IGSF21: variants seen among roughly 807,000 people sequenced by gnomAD.
The protein encoded by IGSF21 is immunoglobin superfamily member 21, also known as immunoglobulin superfamily member 21.
In IGSF21, 28 loss-of-function variants were observed where a neutral mutation model predicts 46.8. The ratio of observed to expected loss-of-function variants is 0.60; its 90% CI spans 0.44 to 0.82. The LOEUF (loss-of-function observed/expected upper bound fraction) is 0.82. Among genes scored for constraint, IGSF21 ranks in the 40% least tolerant of loss-of-function variants. IGSF21 has a pLI of 0.00. For missense variants in IGSF21, 624 were observed against 665.5 expected (o/e 0.94, Z 0.69); for synonymous variants, 284 against 273.6 (o/e 1.04, Z -0.38).
At chr1:18,210,851 A>G (rs2084384365) in intron 1 of IGSF21, among the ~76,000 whole-genome samples, 1 of 152,050 alleles carries the variant, frequency 6.6e-6, no homozygotes, top group South Asian at 2.1e-4. Flanking sequence ...TGCTTTCTTG[A>G]ACCATCTCTT....
At chr1:18,255,244 TCACTCTG>T (rs1469757309) in intron 2 of IGSF21, among the ~76,000 whole-genome samples, 1 of 152,140 alleles carries the variant, frequency 6.6e-6, no homozygotes, top group African/African-American at 2.4e-5. Context: ...AAGCCAAACT[TCACTCTG>T]CACTCCCCTG....
intron 1 of IGSF21, among the ~76,000 whole-genome samples, chr1:18,154,988 G>A (rs1169494773): frequency 6.6e-6 from 1 of 151,964 alleles, no homozygotes; most frequent in Non-Finnish European, 1.5e-5. Context: ...CAAATGGGGG[G>A]CTCACTTATG....
chr1:18,153,448 G>A (rs962502786), intron 1 of IGSF21, among the ~76,000 whole-genome samples: 12 of 152,140 alleles, frequency 7.9e-5, no homozygotes, highest in Non-Finnish European at 1.5e-4. Flanking sequence ...AACTCAAAAG[G>A]CCCCAGGCCT....
intron 3 of IGSF21, among the ~76,000 whole-genome samples, chr1:18,318,653 A>G (rs1569800920): frequency 6.6e-6 from 1 of 151,878 alleles, no homozygotes; most frequent in Admixed American, 6.6e-5. Context: ...GCCCCAGCTC[A>G]CTCACTGACT....
chr1:18,253,011 C>T (rs1412716550), intron 2 of IGSF21, among the ~76,000 whole-genome samples: 1 of 152,122 alleles, frequency 6.6e-6, no homozygotes, highest in African/African-American at 2.4e-5. Context: ...GCTGAGCCTC[C>T]TCTCCTCACC....
chr1:18,236,383 G>T (rs1440885398), intron 2 of IGSF21, among the ~76,000 whole-genome samples: 1 of 152,180 alleles, frequency 6.6e-6, no homozygotes, highest in African/African-American at 2.4e-5. Context: ...GGAACTGTGA[G>T]TTCATTAAAC....
chr1:18,284,131 A>AAGCAATAGACAAACTCACAAAGGC (rs2085189765), intron 2 of IGSF21, among the ~76,000 whole-genome samples: 2 of 152,078 alleles, frequency 1.3e-5, no homozygotes, highest in African/African-American at 2.4e-5. Flanking sequence ...AAAGGACCTC[A>AAGCAATAGACAAACTCACAAAGGC]AGCAATAGAC....
intron 2 of IGSF21, among the ~76,000 whole-genome samples, chr1:18,284,923 A>AGAC (rs1482093166): frequency 1.3e-5 from 2 of 150,128 alleles, no homozygotes; most frequent in Non-Finnish European, 3.0e-5. Context: ...CTGGACACAG[A>AGAC]GACCTCAGCT....
At chr1:18,182,580 C>T (rs986610594) in intron 1 of IGSF21, among the ~76,000 whole-genome samples, 1 of 152,224 alleles carries the variant, frequency 6.6e-6, no homozygotes, top group African/African-American at 2.4e-5. Context: ...TCTTTTCCCT[C>T]CTGGCAGTGA....
intron 2 of IGSF21, 142 bp from the exon 3 acceptor site, chr1:18,291,724 G>T: frequency 1.0e-6 from 1 of 980,280 alleles, no homozygotes; most frequent in Non-Finnish European, 1.5e-6. Flanking sequence ...CCTCCAGGAA[G>T]CCCTCGGTTA....
chr1:18,223,722 C>T (rs1023552773), intron 1 of IGSF21, among the ~76,000 whole-genome samples: 2 of 152,210 alleles, frequency 1.3e-5, no homozygotes, highest in African/African-American at 4.8e-5. Context: ...GTGACATACT[C>T]ATGGTCGTGG....
At chr1:18,114,260 T>C (rs2086167177) in intron 1 of IGSF21, 2 of 152,192 alleles carry the variant, frequency 1.3e-5, no homozygotes, top group South Asian at 2.1e-4. Flanking sequence ...GCCAATCTTA[T>C]AGTGAACTTC....
chr1:18,284,803 G>A (rs938671084), intron 2 of IGSF21, among the ~76,000 whole-genome samples: 2 of 152,250 alleles, frequency 1.3e-5, no homozygotes. Flanking sequence ...CCTCTTGCCT[G>A]GGCTGGGATT....
Position 18,108,157 on chromosome 1 carries a change from G to T in IGSF21, c.29G>T (p.Cys10Phe). 1 of 1,446,426 alleles carries T rather than the reference G, an allele frequency of 6.9e-7. No homozygotes were observed. Among genetic ancestry groups the T allele is most frequent in the Non-Finnish European group, 9.1e-7 (1 of 1,102,546 alleles). The allele number at this position is 1,446,426 out of a possible 1,614,324, so 89.6% of individuals were successfully genotyped here. The change falls in exon 1 of 10, where the codon TGC becomes TTC. Residue 10 changes from cysteine to phenylalanine, a missense_variant. Cys to Phe is a radical substitution (Grantham distance 205, BLOSUM62 -2). Transcript: ENST00000251296. MRTAPSLRRCVCLLLAAILD... is the reference protein window; with the variant it reads MRTAPSLRRFVCLLLAAILD... ...CGAACCGCCCCGAGCCTCCGCCGCTGCGTCTGCCTGCTGCTCGCCGCGATC... is the reference window on the plus strand; with the variant it reads ...CGAACCGCCCCGAGCCTCCGCCGCTTCGTCTGCCTGCTGCTCGCCGCGATC...
At chr1:18,188,495 A>C (rs1304404582) in intron 1 of IGSF21, among the ~76,000 whole-genome samples, 1 of 152,162 alleles carries the variant, frequency 6.6e-6, no homozygotes, top group Non-Finnish European at 1.5e-5. Flanking sequence ...GTAAAATATA[A>C]ATATATGGAG....
intron 3 of IGSF21, among the ~76,000 whole-genome samples, chr1:18,297,750 G>T (rs999899169): frequency 6.6e-6 from 1 of 152,168 alleles, no homozygotes; most frequent in Non-Finnish European, 1.5e-5. Flanking sequence ...TTACTATCAT[G>T]TAAATGCTAG....
At chr1:18,232,251 A>G (rs1388058821) in intron 2 of IGSF21, among the ~76,000 whole-genome samples, 1 of 130,796 alleles carries the variant, frequency 7.6e-6, no homozygotes, top group Non-Finnish European at 1.6e-5. Flanking sequence ...TCCATATTTC[A>G]CCAGTAGGAG....
At chr1:18,135,723 C>T (rs1169655646) in intron 1 of IGSF21, among the ~76,000 whole-genome samples, 7 of 152,194 alleles carry the variant, frequency 4.6e-5, no homozygotes, top group Non-Finnish European at 8.8e-5. Flanking sequence ...AATAAATATA[C>T]GTGTGCATAT....
Position 18,266,832 on chromosome 1 carries a change from T to C in IGSF21, c.184-25034T>C, listed in dbSNP as rs150095315. On this transcript the variant is annotated intron_variant, in intron 2 of 9. Coordinates refer to ENST00000251296, the MANE Select transcript of IGSF21 (RefSeq NM_032880.5). ...CACAGGGGCCTTCACAGCCACAGTGTGCACCTATGTCCTGCAGGGAGACAA... is the reference window on the plus strand; with the variant it reads ...CACAGGGGCCTTCACAGCCACAGTGCGCACCTATGTCCTGCAGGGAGACAA... 5.1e-3 allele frequency among the ~76,000 whole-genome samples: 778 copies of C among 152,366 alleles called. 4 individuals are homozygous for C. Among genetic ancestry groups the C allele is most frequent in the African/African-American group, 0.018 (743 of 41,596 alleles).
Sources: gnomAD v4.1 joint callset for allele counts (sites outside exome capture counted in the v4.1 genomes callset) on GRCh38, gnomAD v4.1.1 for gene constraint, MANE v1.5 for transcripts, NCBI Gene and HGNC (gene_info 2026-07-23, HGNC 2026-07-21) for gene names.